CCDC102B: variants seen among roughly 807,000 people sequenced by gnomAD.
CCDC102B encodes the protein coiled-coil domain containing 102B.
CCDC102B carries 75 observed loss-of-function variants against 57.4 expected under a neutral mutation model. The observed-to-expected ratio is 1.31, with a 90% CI of 1.08 to 1.58. The LOEUF is 1.58. Among genes scored for constraint, CCDC102B ranks in the 40% most tolerant of loss-of-function variants. The pLI is 0.00. For synonymous variants in CCDC102B, 206 were observed against 201.9 expected (o/e 1.02, Z -0.17); for missense variants, 636 against 582.6 (o/e 1.09, Z -0.94).
At chr18:68,922,171 A>T (rs2041304609) in intron 6 of CCDC102B, among the ~76,000 whole-genome samples, 1 of 152,118 alleles carries the variant, frequency 6.6e-6, no homozygotes, top group South Asian at 2.1e-4. Context: ...TTCACTTCTC[A>T]TCTTATGGCT....
intron 6 of CCDC102B, among the ~76,000 whole-genome samples, chr18:69,008,303 G>A (rs1309288128): frequency 6.6e-6 from 1 of 152,176 alleles, no homozygotes; most frequent in Non-Finnish European, 1.5e-5. Flanking sequence ...AGTGTAATGT[G>A]TGGTATAATT....
intron 6 of CCDC102B, among the ~76,000 whole-genome samples, chr18:68,981,389 G>C (rs886785527): frequency 9.9e-5 from 15 of 151,986 alleles, no homozygotes; most frequent in African/African-American, 3.4e-4. Flanking sequence ...GAGACATGAG[G>C]CATAAGGGAC....
chr18:68,960,216 T>C (rs2050011111), intron 6 of CCDC102B, among the ~76,000 whole-genome samples: 1 of 152,160 alleles, frequency 6.6e-6, no homozygotes, highest in Admixed American at 6.5e-5. Context: ...CAATGAAACC[T>C]GCCAGGACTG....
chr18:68,901,792 C>T (rs1276219090), intron 6 of CCDC102B, among the ~76,000 whole-genome samples: 8 of 152,010 alleles, frequency 5.3e-5, no homozygotes, highest in Non-Finnish European at 1.2e-4. Flanking sequence ...ATGTGGCCAC[C>T]AAAGCTCTGA....
chr18:68,991,346 C>T (rs1428962893), intron 6 of CCDC102B, among the ~76,000 whole-genome samples: 1 of 152,188 alleles, frequency 6.6e-6, no homozygotes, highest in African/African-American at 2.4e-5. Flanking sequence ...TGAAATTAAG[C>T]ATTTTCAACA....
chr18:68,790,703 GCACCCACTGACCTGCGCC>G (rs2035425497), intron 2 of CCDC102B, among the ~76,000 whole-genome samples: 1 of 152,054 alleles, frequency 6.6e-6, no homozygotes. Flanking sequence ...CACGGTGCGC[GCACCCACTGACCTGCGCC>G]CACTGTCTGG....
intron 6 of CCDC102B, among the ~76,000 whole-genome samples, chr18:68,984,631 A>G (rs138328182): frequency 3.7e-4 from 56 of 152,278 alleles, no homozygotes; most frequent in Middle Eastern, 3.4e-3. Context: ...TTAGGTACAG[A>G]GATAAATTTA....
intron 1 of CCDC102B, among the ~76,000 whole-genome samples, chr18:68,802,608 A>T (rs2144687511): frequency 6.6e-6 from 1 of 152,322 alleles, no homozygotes; most frequent in Non-Finnish European, 1.5e-5. Flanking sequence ...GCTGGGGCCT[A>T]AGCATAGGTA....
chr18:68,923,180 A>G (rs1187730238), intron 6 of CCDC102B, among the ~76,000 whole-genome samples: 1 of 146,984 alleles, frequency 6.8e-6, no homozygotes, highest in African/African-American at 2.5e-5. Flanking sequence ...TTTTTTTTTT[A>G]CCATTCTGTC....
chr18:69,009,505 A>C, intron 6 of CCDC102B, among the ~76,000 whole-genome samples: 1 of 151,402 alleles, frequency 6.6e-6, no homozygotes, highest in Non-Finnish European at 1.5e-5. Context: ...GATACTGAAT[A>C]TATTTTTTTG....
At chr18:68,960,174 A>G (rs2050009941) in intron 6 of CCDC102B, among the ~76,000 whole-genome samples, 1 of 152,184 alleles carries the variant, frequency 6.6e-6, no homozygotes, top group East Asian at 1.9e-4. Flanking sequence ...GCTGCTGATT[A>G]TTCAGGGCTC....
At chr18:69,034,469 T>G (rs1404062655) in intron 7 of CCDC102B, among the ~76,000 whole-genome samples, 2 of 151,936 alleles carry the variant, frequency 1.3e-5, no homozygotes, top group Non-Finnish European at 2.9e-5. Context: ...AGATTATGAT[T>G]TCCTAATTGA....
At chr18:68,746,996 T>A (rs1229292270) in intron 2 of CCDC102B, among the ~76,000 whole-genome samples, 1 of 152,042 alleles carries the variant, frequency 6.6e-6, no homozygotes. Context: ...GAGTGATATT[T>A]TGATACATGG....
intron 6 of CCDC102B, among the ~76,000 whole-genome samples, chr18:68,905,784 C>CTTT (rs35808828): frequency 4.3e-5 from 3 of 70,464 alleles, no homozygotes; most frequent in African/African-American, 6.1e-5. Flanking sequence ...TTATGTCTGG[C>CTTT]TTTTTTTTTT....
At position 68,745,877 on chromosome 18, in the gene CCDC102B, G is replaced by T. The variant is rs537530269; in HGVS notation, c.-67+29283G>T. Among the ~76,000 whole-genome samples the T allele has an allele frequency of 3.6e-4, 55 of 152,054 alleles. 3 individuals are homozygous for T. The South Asian group carries it at 0.01, about 29-fold the overall frequency. The stretch of plus-strand genomic sequence containing the variant: ...GCTTATTTCATTAACATAATGTCCT[G>T]CACGCTCATTCATGTTGTCCAATGG... On this transcript the variant is annotated intron_variant, in intron 2 of 3. Transcript: ENST00000578970.
intron 5 of CCDC102B, among the ~76,000 whole-genome samples, chr18:68,892,448 T>A (rs12970712): frequency 0.27 from 40,316 of 152,072 alleles, 6,270 homozygotes; most frequent in Non-Finnish European, 0.35. Flanking sequence ...CCACATGGTC[T>A]CCAGAGAAGT....
intron 1 of CCDC102B, among the ~76,000 whole-genome samples, chr18:68,814,769 G>C (rs903193141): frequency 2.0e-5 from 3 of 151,848 alleles, no homozygotes; most frequent in Non-Finnish European, 4.4e-5. Context: ...ACAAATAATA[G>C]CAACGAGCGT....
chr18:69,052,701 G>A (rs931392155), intron 7 of CCDC102B, among the ~76,000 whole-genome samples: 3 of 151,552 alleles, frequency 2.0e-5, no homozygotes, highest in East Asian at 1.9e-4. Flanking sequence ...AAAGTCGTGC[G>A]GTGCGTTGCT....
intron 6 of CCDC102B, among the ~76,000 whole-genome samples, chr18:68,969,188 G>GCC (rs2050235919): frequency 6.6e-6 from 1 of 152,052 alleles, no homozygotes; most frequent in African/African-American, 2.4e-5. Context: ...GGACAACCCA[G>GCC]CCCCATCCAG....
Sources: gnomAD v4.1 joint callset for allele counts (sites outside exome capture counted in the v4.1 genomes callset) on GRCh38, gnomAD v4.1.1 for gene constraint, MANE v1.5 for transcripts, NCBI Gene and HGNC (gene_info 2026-07-23, HGNC 2026-07-21) for gene names.